CCM2: variants seen among roughly 807,000 people sequenced by gnomAD.
CCM2 encodes the protein CCM2 scaffold protein.
CCM2 carries 25 observed loss-of-function variants against 44.9 expected under a neutral mutation model. The observed-to-expected ratio is 0.56, with a 90% CI of 0.41 to 0.78. CCM2 has a LOEUF of 0.78. CCM2 is among the 30% of genes least tolerant of loss of function. The pLI, the probability that CCM2 is intolerant of heterozygous loss-of-function variation, is 0.00. For missense variants in CCM2, 481 were observed against 580.6 expected (o/e 0.83, Z 1.76); for synonymous variants, 219 against 241.1 (o/e 0.91, Z 0.85).
chr7:45,061,700 G>T (rs930516577), intron 2 of CCM2, among the ~76,000 whole-genome samples: 7 of 152,054 alleles, frequency 4.6e-5, no homozygotes, highest in Non-Finnish European at 1.0e-4. Context: ...TCCCAGGCTG[G>T]TCTCAAACTC....
intron 1 of CCM2, among the ~76,000 whole-genome samples, chr7:45,007,558 T>C (rs894296523): frequency 1.3e-5 from 2 of 152,198 alleles, no homozygotes; most frequent in African/African-American, 4.8e-5. Context: ...CCTTTTTTTT[T>C]CTCCCAAGTG....
chr7:45,008,823 C>T (rs1183520014), intron 1 of CCM2, among the ~76,000 whole-genome samples: 1 of 152,150 alleles, frequency 6.6e-6, no homozygotes, highest in Non-Finnish European at 1.5e-5. Context: ...TTTTACTTTT[C>T]ATGCTACTGG....
chr7:45,063,728 A>T (rs1798630552), intron 2 of CCM2, among the ~76,000 whole-genome samples, 190 bp from the exon 3 acceptor site: 1 of 152,098 alleles, frequency 6.6e-6, no homozygotes, highest in South Asian at 2.1e-4. Context: ...CACTGTCCTC[A>T]GCCAGTAGAG....
chr7:45,071,668 G>T (rs962620746), intron 6 of CCM2: 1 of 424,756 alleles, frequency 2.4e-6, no homozygotes, highest in African/African-American at 2.0e-5. Flanking sequence ...GGAGGCTCCA[G>T]AGAAGAAGCC....
chr7:45,075,595 G>A (rs975933943), intron 9 of CCM2, among the ~76,000 whole-genome samples, 182 bp from the exon 10 acceptor site: 1 of 152,106 alleles, frequency 6.6e-6, no homozygotes, highest in Non-Finnish European at 1.5e-5. Context: ...TAGCCAAACT[G>A]TCTGGCCCCA....
At position 45,064,580 on chromosome 7, in the gene CCM2, A is replaced by G. The variant is rs1306817698; in HGVS notation, c.406A>G (p.Ile136Val). ...DGEDIILRVPIHDIAAVSYVR... is the reference protein window; with the variant it reads ...DGEDIILRVPVHDIAAVSYVR... ...GGAGGATATCATCCTCAGGGTGCCC[A>G]TCCATGACATCGCCGCCGTCTCCTA... Residue 136 changes from isoleucine to valine, a missense_variant, in exon 4 of 10, where the codon ATC (isoleucine) becomes GTC (valine). Coordinates refer to ENST00000258781, the MANE Select transcript of CCM2 (RefSeq NM_031443.4). 3 of 1,613,996 alleles carry G rather than the reference A, an allele frequency of 1.9e-6. No homozygotes were observed. The highest frequency in any genetic ancestry group is 2.5e-6 in the Non-Finnish European group (3 of 1,180,018).
Position 45,075,811 on chromosome 7 carries a change from G to C in CCM2, c.1089G>C (p.Gln363His). Residue 363 changes from glutamine (Q) to histidine (H), a missense_variant, in exon 10 of 10, where the codon CAG (glutamine) becomes CAC (histidine). Transcript: ENST00000258781. ...LRPFIPEKDSQHFENFLETIG... is the reference protein window; with the variant it reads ...LRPFIPEKDSHHFENFLETIG... ...CCTTCATCCCTGAGAAGGACAGCCAGCACTTCGAGAACTTCCTGGAGACCA... is the reference window on the plus strand; with the variant it reads ...CCTTCATCCCTGAGAAGGACAGCCACCACTTCGAGAACTTCCTGGAGACCA... 1 of 1,613,788 alleles carries C rather than the reference G, an allele frequency of 6.2e-7. No homozygotes were observed.
In CCM2 at chr7:45,071,826, C is replaced by T. The variant is rs771488422; in HGVS notation, c.746-900C>T. The stretch of plus-strand genomic sequence containing the variant: ...CTCTGCATTTCAGGACTCTTGCAAT[C>T]ACATTGAGCCCACCCAAATTCTCCA... On this transcript the variant is annotated intron_variant, in intron 6 of 9. Coordinates refer to ENST00000258781, the MANE Select transcript of CCM2 (RefSeq NM_031443.4). 2.6e-5 allele frequency: 12 copies of T among 456,740 alleles called. 2 individuals carry two copies. The highest frequency in any genetic ancestry group is 1.9e-4 in the South Asian group (12 of 64,572). 28.3% of individuals were successfully genotyped at this position (456,740 alleles called of 1,614,324 possible).
intron 2 of CCM2, 46 bp from the exon 3 acceptor site, chr7:45,063,871 GC>G: frequency 7.9e-7 from 1 of 1,268,346 alleles, no homozygotes; most frequent in African/African-American, 1.5e-5. Flanking sequence ...GGTGGTGTTG[GC>G]TCAGCTCCCA....
At chr7:45,009,123 G>A (rs1424423726) in intron 1 of CCM2, among the ~76,000 whole-genome samples, 4 of 151,788 alleles carry the variant, frequency 2.6e-5, no homozygotes, top group South Asian at 2.1e-4. Context: ...CCAACATGGC[G>A]AAATGCTATC....
chr7:45,029,192 C>G (rs560669978), intron 1 of CCM2, among the ~76,000 whole-genome samples: 230 of 152,266 alleles, frequency 1.5e-3, no homozygotes, highest in Non-Finnish European at 2.7e-3. Context: ...GCTTCTACAG[C>G]CCCAGTGTCT....
chr7:45,072,891 T>C lies in CCM2; in HGVS notation c.803+108T>C, dbSNP rs532691533. On this transcript the variant is annotated intron_variant, in intron 7 of 9. Transcript: ENST00000258781. Reference sequence around the variant, plus strand: ...CTCCCCCATCTCAGCTCACCCTCGCTAAGCCATCCCCAGACCCACTGTACC... The same window carrying C: ...CTCCCCCATCTCAGCTCACCCTCGCCAAGCCATCCCCAGACCCACTGTACC... The C allele has an allele frequency of 4.3e-6, 4 of 929,586 alleles. No individual in the cohort carries two copies. The East Asian group carries it at 9.7e-5, about 23-fold the overall frequency. 57.6% of individuals were successfully genotyped at this position (929,586 alleles called of 1,614,324 possible).
intron 1 of CCM2, among the ~76,000 whole-genome samples, chr7:45,011,462 G>C (rs1009315594): frequency 3.3e-5 from 5 of 152,098 alleles, no homozygotes; most frequent in Non-Finnish European, 7.4e-5. Context: ...CTCCCAAAGT[G>C]CTGGGATTAT....
chr7:45,026,289 G>A (rs1449195808), intron 1 of CCM2, among the ~76,000 whole-genome samples: 2 of 152,074 alleles, frequency 1.3e-5, no homozygotes, highest in Non-Finnish European at 1.5e-5. Flanking sequence ...AGTTAATACC[G>A]GATATTGACT....
chr7:45,011,283 G>T (rs1796056925), intron 1 of CCM2, among the ~76,000 whole-genome samples: 1 of 151,300 alleles, frequency 6.6e-6, no homozygotes, highest in Admixed American at 6.6e-5. Flanking sequence ...TGCAGCCTCT[G>T]CCTCCCAAGT....
chr7:45,054,504 T>C (rs753117315), intron 2 of CCM2, among the ~76,000 whole-genome samples: 9 of 151,866 alleles, frequency 5.9e-5, no homozygotes, highest in African/African-American at 1.9e-4. Flanking sequence ...AAAACACTTA[T>C]ATCTTGTCAG....
chr7:45,069,680 C>A, intron 5 of CCM2, 146 bp from the exon 6 acceptor site: 1 of 1,042,474 alleles, frequency 9.6e-7, no homozygotes, highest in Non-Finnish European at 1.4e-6. Context: ...CCCTTTGGGT[C>A]AGTGAAAGGC....
intron 1 of CCM2, among the ~76,000 whole-genome samples, chr7:45,006,172 A>G (rs115233216): frequency 0.014 from 2,121 of 152,140 alleles, 52 homozygotes; most frequent in African/African-American, 0.049. Flanking sequence ...AAAATCATGT[A>G]ACGAAGTCCC....
At chr7:45,004,044 G>A (rs1795749514) in intron 1 of CCM2, among the ~76,000 whole-genome samples, 1 of 152,130 alleles carries the variant, frequency 6.6e-6, no homozygotes, top group Non-Finnish European at 1.5e-5. Context: ...GCTGAGCATG[G>A]TGGTGCATGC....
Sources: allele counts gnomAD v4.1 joint callset (sites outside exome capture counted in the v4.1 genomes callset), GRCh38; gene constraint gnomAD v4.1.1; transcripts MANE v1.5; gene names NCBI Gene and HGNC (gene_info 2026-07-23, HGNC 2026-07-21).